FAM184A: variants seen among roughly 807,000 people sequenced by gnomAD.
FAM184A encodes family with sequence similarity 184 member A.
A neutral mutation model predicts 143.8 loss-of-function variants in FAM184A; 99 were observed. The ratio of observed to expected loss-of-function variants is 0.69; its 90% CI spans 0.58 to 0.81. The LOEUF is 0.81. FAM184A is among the 40% of genes least tolerant of loss of function. FAM184A has a pLI of 0.00. For missense variants in FAM184A, 1,217 were observed against 1,310.5 expected (o/e 0.93, Z 1.10); for synonymous variants, 427 against 446.4 (o/e 0.96, Z 0.55).
At chr6:119,128,057 T>C (rs1310916990) in intron 1 of FAM184A, among the ~76,000 whole-genome samples, 2 of 152,130 alleles carry the variant, frequency 1.3e-5, no homozygotes, top group African/African-American at 4.8e-5. Context: ...CAGACATGCC[T>C]CCTTATAACC....
At chr6:119,091,558 T>C (rs1788369361) in intron 1 of FAM184A, among the ~76,000 whole-genome samples, 1 of 152,236 alleles carries the variant, frequency 6.6e-6, no homozygotes, top group African/African-American at 2.4e-5. Context: ...TCCTTCACTA[T>C]GGGTCCTTTA....
chr6:119,114,148 C>T (rs1420886316), intron 1 of FAM184A, among the ~76,000 whole-genome samples: 1 of 152,116 alleles, frequency 6.6e-6, no homozygotes, highest in Non-Finnish European at 1.5e-5. Context: ...AACTTATCTG[C>T]CATGAATAAG....
rs532995159 is a variant in FAM184A at position 118,975,382 on chromosome 6, T to G, written c.2584-174A>C. Among the ~76,000 whole-genome samples the G allele has an allele frequency of 4.6e-5, 7 of 152,276 alleles. No homozygotes were observed. In the South Asian group the frequency reaches 1.4e-3, roughly 32 times the overall value. ...TCAAGGCCTGTTCTCTTTCCACACA[T>G]ATAGTGTGTATATGGATATAGCTTC... On this transcript the variant is annotated intron_variant, in intron 12 of 17. Transcript: ENST00000338891.
intron 3 of FAM184A, among the ~76,000 whole-genome samples, chr6:119,020,998 A>G (rs551645875): frequency 3.3e-5 from 5 of 152,304 alleles, no homozygotes; most frequent in Non-Finnish European, 7.4e-5. Context: ...GTGAGTGAAG[A>G]AAAAGGTCTC....
In FAM184A at chr6:118,975,998, A is replaced by G; in HGVS notation, c.2502T>C (p.Asp834=). The change falls in exon 12 of 18, where the codon GAT becomes GAC. Residue 834 remains aspartate, a synonymous_variant. Transcript: ENST00000338891. ...ELNHQHAAAI[D]LLRHNHHQEL... ...CTTGATGATGATTATGCCGTAACAA[A>G]TCAATTGCAGCTGCATGTTGATGGT... is the stretch of plus-strand genomic sequence containing the variant. 1.2e-6 allele frequency: 2 copies of G among 1,613,460 alleles called. No homozygotes were observed. The highest frequency in any genetic ancestry group is 1.7e-6 in the Non-Finnish European group (2 of 1,179,858).
intron 1 of FAM184A, among the ~76,000 whole-genome samples, chr6:119,108,151 G>GTGTGTGTGTGTGTGTGT (rs1554197077): frequency 1.5e-5 from 2 of 130,264 alleles, no homozygotes; most frequent in African/African-American, 2.9e-5. Context: ...GTGTGTGTGT[G>GTGTGTGTGTGTGTGTGT]GTGTGTAGGG....
At chr6:119,100,778 G>A (rs1034429682) in intron 1 of FAM184A, among the ~76,000 whole-genome samples, 7 of 151,850 alleles carry the variant, frequency 4.6e-5, no homozygotes, top group South Asian at 2.1e-4. Context: ...CCAATATGTC[G>A]AAACCTCGTC....
chr6:119,017,047 T>C, intron 4 of FAM184A, 103 bp from the exon 5 acceptor site: 2 of 717,998 alleles, frequency 2.8e-6, no homozygotes, highest in Non-Finnish European at 4.6e-6. Context: ...ATAAACTGAG[T>C]GCTACGGGAT....
At chr6:119,121,826 C>G (rs996908840) in intron 1 of FAM184A, among the ~76,000 whole-genome samples, 1 of 152,334 alleles carries the variant, frequency 6.6e-6, no homozygotes, top group Admixed American at 6.5e-5. Flanking sequence ...CAGTATTGAA[C>G]GCTGCTTTAC....
At position 119,087,941 on chromosome 6, in the gene FAM184A, A is replaced by G. The variant is rs115902788; in HGVS notation, c.-202+61137T>C. Among the ~76,000 whole-genome samples, 843 of 152,356 alleles carry G rather than the reference A, an allele frequency of 5.5e-3. 11 individuals carry two copies. Among genetic ancestry groups the G allele is most frequent in the African/African-American group, 0.019 (804 of 41,598 alleles). On this transcript the variant is annotated intron_variant, in intron 1 of 16. Coordinates refer to the FAM184A transcript ENST00000352896. ...TAAAAAGAATGACACATGGTCCATA[A>G]ATGAAACTTAAAGATATTACATTAA...
chr6:119,068,812 C>A (rs78355749), intron 1 of FAM184A, among the ~76,000 whole-genome samples: 1 of 151,822 alleles, frequency 6.6e-6, no homozygotes, highest in African/African-American at 2.4e-5. Flanking sequence ...AATATGTCAA[C>A]TGAGTCATCA....
chr6:118,976,081 A>T, intron 11 of FAM184A, 37 bp from the exon 12 acceptor site: 1 of 1,595,160 alleles, frequency 6.3e-7, no homozygotes, highest in Non-Finnish European at 8.5e-7. Context: ...TGGCACATTT[A>T]AAAAATATTA....
intron 1 of FAM184A, among the ~76,000 whole-genome samples, chr6:119,133,491 G>T (rs578173172): frequency 1.3e-5 from 2 of 152,168 alleles, no homozygotes; most frequent in Non-Finnish European, 1.5e-5. Flanking sequence ...TAGAGCCAAG[G>T]GAAAGCCTCA....
chr6:119,139,108 G>A (rs113421593), intron 1 of FAM184A, among the ~76,000 whole-genome samples: 2,004 of 152,202 alleles, frequency 0.013, 19 homozygotes, highest in South Asian at 0.03. Context: ...GCTTGGTCCT[G>A]CCCACTCCTC....
chr6:119,101,252 A>G (rs1191357783), intron 1 of FAM184A, among the ~76,000 whole-genome samples: 3 of 151,640 alleles, frequency 2.0e-5, no homozygotes, highest in Non-Finnish European at 4.4e-5. Flanking sequence ...GTATTTTTTT[A>G]GTAGAGACGG....
At chr6:119,002,581 G>T (rs117525904) in intron 9 of FAM184A, among the ~76,000 whole-genome samples, 3 of 151,868 alleles carry the variant, frequency 2.0e-5, no homozygotes, top group African/African-American at 7.3e-5. Context: ...AGTATCTAAG[G>T]ACATGAAAAA....
At chr6:119,124,643 A>G (rs918999457) in intron 1 of FAM184A, among the ~76,000 whole-genome samples, 5 of 152,202 alleles carry the variant, frequency 3.3e-5, no homozygotes, top group Non-Finnish European at 7.3e-5. Flanking sequence ...TAAGGAAGTT[A>G]CAACCTGGTA....
At chr6:119,135,769 C>T (rs1303898441) in intron 1 of FAM184A, among the ~76,000 whole-genome samples, 2 of 152,104 alleles carry the variant, frequency 1.3e-5, no homozygotes, top group South Asian at 2.1e-4. Flanking sequence ...CCATACTTCA[C>T]GCAAAAGAAG....
At chr6:118,996,033 T>C (rs1308364023) in intron 9 of FAM184A, among the ~76,000 whole-genome samples, 3 of 152,224 alleles carry the variant, frequency 2.0e-5, no homozygotes, top group Non-Finnish European at 4.4e-5. Flanking sequence ...ACAGATTTCA[T>C]AGTTCCATCT....
Sources: allele counts gnomAD v4.1 joint callset (sites outside exome capture counted in the v4.1 genomes callset), GRCh38; gene constraint gnomAD v4.1.1; transcripts MANE v1.5; gene names NCBI Gene and HGNC (gene_info 2026-07-23, HGNC 2026-07-21).